The following RALGAPA2 variants were observed in gnomAD, a reference collection of about 807,000 sequenced individuals.
RALGAPA2 encodes the protein Ral GTPase activating protein catalytic subunit alpha 2.
In RALGAPA2, 139 loss-of-function variants were observed where a neutral mutation model predicts 230.4. That is an observed-to-expected ratio of 0.60 (90% CI 0.53 to 0.69). RALGAPA2 has a LOEUF of 0.69. Among genes scored for constraint, RALGAPA2 ranks in the 30% least tolerant of loss-of-function variants. The pLI, the probability that RALGAPA2 is intolerant of heterozygous loss-of-function variation, is 0.00. For synonymous variants in RALGAPA2, 847 were observed against 837.8 expected (o/e 1.01, Z -0.19); for missense variants, 2,163 against 2,276.0 (o/e 0.95, Z 1.01).
intron 20 of RALGAPA2, among the ~76,000 whole-genome samples, chr20:20,575,430 A>C (rs2064788688): frequency 6.6e-6 from 1 of 151,406 alleles, no homozygotes; most frequent in African/African-American, 2.4e-5. Flanking sequence ...CCTGGAATTC[A>C]AAAGACTCTC....
chr20:20,405,970 A>G (rs530525558), intron 38 of RALGAPA2, among the ~76,000 whole-genome samples: 1 of 152,300 alleles, frequency 6.6e-6, no homozygotes, highest in Non-Finnish European at 1.5e-5. Context: ...AATCCCATGT[A>G]CCAGTCTCTA....
intron 1 of RALGAPA2, among the ~76,000 whole-genome samples, chr20:20,699,133 G>A (rs749701239): frequency 7.0e-5 from 9 of 128,610 alleles, no homozygotes. Flanking sequence ...TTAATTACAC[G>A]TTTTTTATGT....
At chr20:20,502,206 G>A (rs1358897103) in intron 35 of RALGAPA2, among the ~76,000 whole-genome samples, 1 of 152,210 alleles carries the variant, frequency 6.6e-6, no homozygotes, top group African/African-American at 2.4e-5. Flanking sequence ...GTGTAATAAA[G>A]TGCTGCACAA....
At chr20:20,411,296 T>C (rs1030463561) in intron 38 of RALGAPA2, among the ~76,000 whole-genome samples, 1 of 152,216 alleles carries the variant, frequency 6.6e-6, no homozygotes, top group African/African-American at 2.4e-5. Context: ...ATAATTCTAT[T>C]ATTTGAAAGA....
chr20:20,594,256 T>C (rs907374067), intron 16 of RALGAPA2, among the ~76,000 whole-genome samples: 1 of 152,216 alleles, frequency 6.6e-6, no homozygotes, highest in African/African-American at 2.4e-5. Context: ...ATGTTTTGTA[T>C]AAATGAATAC....
intron 39 of RALGAPA2, among the ~76,000 whole-genome samples, chr20:20,394,426 C>T (rs1158190298): frequency 6.6e-6 from 1 of 152,004 alleles, no homozygotes; most frequent in East Asian, 1.9e-4. Flanking sequence ...TCGCTTCAGC[C>T]CAGGAGTTCC....
At chr20:20,505,914 TA>T (rs955421785) in intron 33 of RALGAPA2, among the ~76,000 whole-genome samples, 76 of 152,252 alleles carry the variant, frequency 5.0e-4, no homozygotes, top group African/African-American at 1.8e-3. Context: ...CTGTTTTTGG[TA>T]AAAAAATATC....
chr20:20,624,732 A>AT (rs909438046), intron 10 of RALGAPA2, among the ~76,000 whole-genome samples: 21 of 151,834 alleles, frequency 1.4e-4, no homozygotes, highest in Middle Eastern at 3.4e-3. Flanking sequence ...CGTTATTATA[A>AT]TTTTTTTTTA....
intron 15 of RALGAPA2, 61 bp from the exon 16 acceptor site, chr20:20,601,907 G>A (rs893499584): frequency 1.4e-6 from 2 of 1,401,678 alleles, no homozygotes; most frequent in South Asian, 1.5e-5. Context: ...TTTCACGCTT[G>A]TGTTGCTCAG....
chr20:20,672,221 G>A (rs958951069), intron 3 of RALGAPA2, among the ~76,000 whole-genome samples: 1 of 152,066 alleles, frequency 6.6e-6, no homozygotes, highest in Admixed American at 6.6e-5. Context: ...AATCCTCTGG[G>A]AGAAACCAGG....
intron 1 of RALGAPA2, among the ~76,000 whole-genome samples, chr20:20,688,824 G>T (rs1168689065): frequency 6.6e-6 from 1 of 152,148 alleles, no homozygotes; most frequent in Non-Finnish European, 1.5e-5. Flanking sequence ...TAACAAAAAT[G>T]ATTTTTTAAA....
chr20:20,565,014 T>C (rs1298930785), intron 23 of RALGAPA2, among the ~76,000 whole-genome samples: 1 of 152,238 alleles, frequency 6.6e-6, no homozygotes, highest in African/African-American at 2.4e-5. Context: ...ATCAAAGTTA[T>C]TATTTCATCC....
chr20:20,647,069 T>A (rs1417958022), intron 4 of RALGAPA2, among the ~76,000 whole-genome samples: 2 of 152,194 alleles, frequency 1.3e-5, no homozygotes, highest in African/African-American at 2.4e-5. Context: ...TCAAAATCTA[T>A]TTCTTTGCTT....
intron 20 of RALGAPA2, among the ~76,000 whole-genome samples, chr20:20,578,076 G>A (rs2064876735): frequency 1.3e-5 from 2 of 152,120 alleles, no homozygotes; most frequent in South Asian, 2.1e-4. Context: ...ATGCCTCAAT[G>A]ATAAAATCCT....
intron 38 of RALGAPA2, among the ~76,000 whole-genome samples, chr20:20,401,643 C>T (rs546216484): frequency 1.5e-4 from 23 of 152,248 alleles, no homozygotes; most frequent in Admixed American, 1.2e-3. Flanking sequence ...ATCAACAGCT[C>T]AAGAAAATGT....
chr20:20,424,923 T>A (rs2122897190), intron 37 of RALGAPA2, among the ~76,000 whole-genome samples: 1 of 152,276 alleles, frequency 6.6e-6, no homozygotes, highest in Non-Finnish European at 1.5e-5. Context: ...TCTGTTTCTA[T>A]CATCACTGAC....
chr20:20,457,722 C>T (rs2061155437), intron 37 of RALGAPA2, among the ~76,000 whole-genome samples: 1 of 152,226 alleles, frequency 6.6e-6, no homozygotes, highest in Non-Finnish European at 1.5e-5. Context: ...AATCTCTGCC[C>T]TCACGCAGGG....
intron 1 of RALGAPA2, among the ~76,000 whole-genome samples, chr20:20,703,106 G>A (rs2069455569): frequency 6.6e-6 from 1 of 152,060 alleles, no homozygotes; most frequent in Non-Finnish European, 1.5e-5. Context: ...CCAGGAGGCA[G>A]AGGTTGCAGT....
chr20:20,583,319 C>T (rs2065042455), intron 19 of RALGAPA2, 93 bp from the exon 20 acceptor site: 1 of 1,305,372 alleles, frequency 7.7e-7, no homozygotes, highest in Non-Finnish European at 1.1e-6. Context: ...AAACAAACAG[C>T]AGACACAGTA....
Sources: allele counts gnomAD v4.1 joint callset (sites outside exome capture counted in the v4.1 genomes callset), GRCh38; gene constraint gnomAD v4.1.1; transcripts MANE v1.5; gene names NCBI Gene and HGNC (gene_info 2026-07-23, HGNC 2026-07-21).